LRRC37A2: variants seen among roughly 807,000 people sequenced by gnomAD.
LRRC37A2 encodes the protein leucine rich repeat containing 37 member A2.
In LRRC37A2, 9 loss-of-function variants were observed where a neutral mutation model predicts 68.8. That is an observed-to-expected ratio of 0.13 (90% CI 0.08 to 0.23). The LOEUF (loss-of-function observed/expected upper bound fraction) is 0.23, where lower values mean the gene tolerates loss of function less well. LRRC37A2 is among the 10% of genes least tolerant of loss of function. LRRC37A2 has a pLI of 1.00. For synonymous variants in LRRC37A2, 63 were observed against 367.6 expected, an observed-to-expected ratio of 0.17 and a Z score of 9.48; for missense variants, 168 against 950.4, an observed-to-expected ratio of 0.18 and a Z score of 10.82.
At chr17:47,047,797 G>T in the LRRC37A2 span, among the ~76,000 whole-genome samples, 2,170 of 149,784 alleles carry the variant, frequency 0.014, 51 homozygotes, top group African/African-American at 0.049. Flanking sequence ...AGAATGGAGG[G>T]CTTTTCCATT....
the LRRC37A2 span, chr17:46,769,711 G>A: frequency 6.3e-7 from 1 of 1,584,720 alleles, no homozygotes; most frequent in Non-Finnish European, 8.5e-7. Context: ...GGTGAGGTGG[G>A]GGCCAGGGCA....
the LRRC37A2 span, among the ~76,000 whole-genome samples, chr17:46,816,119 A>ACACACACACACACGCATG: frequency 2.0e-5 from 3 of 150,552 alleles, no homozygotes; most frequent in East Asian, 2.0e-4. Flanking sequence ...ACGTACACAC[A>ACACACACACACACGCATG]CACACACACA....
chr17:46,537,042 C>A (rs1598420790), intron 6 of LRRC37A2, among the ~76,000 whole-genome samples: 1 of 39,540 alleles, frequency 2.5e-5, no homozygotes, highest in Non-Finnish European at 4.1e-5. Flanking sequence ...ACTTTGGTTA[C>A]ATTTCTAGAG....
At chr17:46,781,611 A>G in the LRRC37A2 span, among the ~76,000 whole-genome samples, 17 of 152,174 alleles carry the variant, frequency 1.1e-4, no homozygotes, top group African/African-American at 3.9e-4. Context: ...GTGGGAAGTT[A>G]CTGCTTAATA....
At chr17:46,973,003 A>G in the LRRC37A2 span, 1 of 153,308 alleles carries the variant, frequency 6.5e-6, no homozygotes, top group Middle Eastern at 5.2e-4. Flanking sequence ...CCAGGTGGGA[A>G]AGTGTCAAAT....
the LRRC37A2 span, among the ~76,000 whole-genome samples, chr17:46,929,242 G>T: frequency 2.5e-4 from 38 of 152,266 alleles, no homozygotes; most frequent in Middle Eastern, 3.4e-3. Flanking sequence ...TATAAAATGA[G>T]GATGATAATG....
the LRRC37A2 span, among the ~76,000 whole-genome samples, chr17:46,760,485 A>G: frequency 5.3e-5 from 8 of 151,328 alleles, no homozygotes; most frequent in Admixed American, 6.6e-5. Context: ...AAATTAAAAA[A>G]TTAGCTGGGC....
At chr17:46,981,702 TTTTA>T in the LRRC37A2 span, among the ~76,000 whole-genome samples, 1 of 152,116 alleles carries the variant, frequency 6.6e-6, no homozygotes, top group Non-Finnish European at 1.5e-5. Context: ...AAAATTATTA[TTTTA>T]TTTATTTATT....
At chr17:46,492,485 A>C in the LRRC37A2 span, among the ~76,000 whole-genome samples, 1 of 150,434 alleles carries the variant, frequency 6.6e-6, no homozygotes, top group Non-Finnish European at 1.5e-5. Context: ...AAACATTTCC[A>C]TAATGTTTTT....
At chr17:46,929,176 T>C in the LRRC37A2 span, among the ~76,000 whole-genome samples, 2 of 152,220 alleles carry the variant, frequency 1.3e-5, no homozygotes, top group South Asian at 4.1e-4. Flanking sequence ...GTTTGAGGTT[T>C]ATCACTTGCT....
At chr17:46,752,800 G>A in the LRRC37A2 span, among the ~76,000 whole-genome samples, 12 of 151,680 alleles carry the variant, frequency 7.9e-5, no homozygotes, top group East Asian at 3.9e-4. Context: ...ACGGAGTCTC[G>A]CTCTGTTGCC....
chr17:46,828,063 T>C, the LRRC37A2 span, among the ~76,000 whole-genome samples: 3 of 152,084 alleles, frequency 2.0e-5, no homozygotes, highest in East Asian at 1.9e-4. Flanking sequence ...GCCGACCTCA[T>C]GATCCGCCCA....
the LRRC37A2 span, among the ~76,000 whole-genome samples, chr17:46,745,989 C>T: frequency 6.6e-6 from 1 of 152,170 alleles, no homozygotes; most frequent in Non-Finnish European, 1.5e-5. Flanking sequence ...TCATTCCTTA[C>T]GACTCAACTC....
At chr17:46,971,974 G>A in the LRRC37A2 span, among the ~76,000 whole-genome samples, 1 of 152,258 alleles carries the variant, frequency 6.6e-6, no homozygotes, top group Non-Finnish European at 1.5e-5. Flanking sequence ...TTACAGCCAG[G>A]CCTGGGGCTG....
At chr17:46,911,079 C>T in the LRRC37A2 span, among the ~76,000 whole-genome samples, 41 of 152,342 alleles carry the variant, frequency 2.7e-4, no homozygotes, top group Non-Finnish European at 4.9e-4. Flanking sequence ...GTGACAATCA[C>T]TGTGACAATA....
the LRRC37A2 span, among the ~76,000 whole-genome samples, chr17:46,914,006 G>A: frequency 6.6e-6 from 1 of 152,068 alleles, no homozygotes; most frequent in Non-Finnish European, 1.5e-5. Context: ...TGATCCGCTT[G>A]CCTCGGCCTC....
chr17:46,990,170 A>G, the LRRC37A2 span, among the ~76,000 whole-genome samples: 1 of 152,220 alleles, frequency 6.6e-6, no homozygotes, highest in Non-Finnish European at 1.5e-5. Flanking sequence ...AAAGATAGAG[A>G]AAACCTATCT....
chr17:47,028,971 G>T, the LRRC37A2 span, among the ~76,000 whole-genome samples: 1 of 151,762 alleles, frequency 6.6e-6, no homozygotes, highest in Admixed American at 6.6e-5. Context: ...TGGAGGTCAG[G>T]AGTTTGAGAC....
the LRRC37A2 span, among the ~76,000 whole-genome samples, chr17:46,729,169 A>G: frequency 6.6e-6 from 1 of 152,136 alleles, no homozygotes; most frequent in African/African-American, 2.4e-5. Flanking sequence ...GTGGAATACA[A>G]CAATTAGCAT....
Sources: gnomAD v4.1 joint callset for allele counts (sites outside exome capture counted in the v4.1 genomes callset) on GRCh38, gnomAD v4.1.1 for gene constraint, MANE v1.5 for transcripts, NCBI Gene and HGNC (gene_info 2026-07-23, HGNC 2026-07-21) for gene names.